Variants in ARMH4 observed in about 807,000 individuals in gnomAD.
ARMH4 encodes the protein armadillo-like helical domain-containing protein 4.
A neutral mutation model predicts 61.9 loss-of-function variants in ARMH4; 49 were observed. That is an observed-to-expected ratio of 0.79 (90% confidence interval 0.63 to 1.00). The LOEUF (loss-of-function observed/expected upper bound fraction) is 1.00, where lower values mean the gene tolerates loss of function less well. ARMH4 is among the 50% of genes least tolerant of loss of function. The pLI is 0.00. For synonymous variants in ARMH4, 368 were observed against 341.5 expected (o/e 1.08, Z -0.85); for missense variants, 934 against 930.0 (o/e 1.00, Z -0.06).
rs535416747 is a variant in ARMH4, at chr14:58,041,167, C to T, written c.2090-29017G>A. Among the ~76,000 whole-genome samples the T allele has an allele frequency of 4.3e-4, 65 of 152,276 alleles. 2 individuals carry two copies. The South Asian group carries it at 0.013, about 31-fold the overall frequency. On this transcript the variant is annotated intron_variant, in intron 5 of 7. Transcript: ENST00000267485. ...CATGAGCCAAAGCAGGGCGAGGCAT[C>T]GCCTCACCCGGGAAGCGTAAGGGGT...
At chr14:58,012,193 ACTTATAATTCATG>A in intron 5 of ARMH4, 43 bp from the exon 6 acceptor site, 1 of 1,181,014 alleles carries the variant, frequency 8.5e-7, no homozygotes. Context: ...ACCATCTTTT[ACTTATAATTCATG>A]GCATTAAGTT....
chr14:58,078,061 C>T (rs1414293623), intron 5 of ARMH4, among the ~76,000 whole-genome samples: 2 of 152,214 alleles, frequency 1.3e-5, no homozygotes, highest in Non-Finnish European at 2.9e-5. Context: ...TTCTCTCCTA[C>T]TCTAAGATGA....
At chr14:58,032,674 G>GGCGCAGGCCAGTGTGT (rs371862001) in intron 5 of ARMH4, among the ~76,000 whole-genome samples, 2,555 of 151,832 alleles carry the variant, frequency 0.017, 26 homozygotes, top group South Asian at 0.026. Flanking sequence ...CCAGACAGTG[G>GGCGCAGGCCAGTGTGT]GCGCAGGCCA....
At chr14:58,020,169 C>A (rs1008621593) in intron 5 of ARMH4, among the ~76,000 whole-genome samples, 7 of 152,258 alleles carry the variant, frequency 4.6e-5, no homozygotes, top group African/African-American at 1.7e-4. Context: ...AGTAGCTGAT[C>A]TGGAATTGGA....
At chr14:58,145,082 A>C (rs571254109) in intron 1 of ARMH4, among the ~76,000 whole-genome samples, 6 of 152,176 alleles carry the variant, frequency 3.9e-5, no homozygotes, top group Non-Finnish European at 5.9e-5. Context: ...ATTCAGTGAA[A>C]TCTTACTAAA....
intron 4 of ARMH4, chr14:58,131,234 A>G: frequency 2.7e-6 from 1 of 367,926 alleles, no homozygotes; most frequent in Admixed American, 4.3e-5. Context: ...AGCTTTATTT[A>G]TGAACACTGG....
chr14:58,138,379 G>A lies in ARMH4; in HGVS notation c.980C>T (p.Thr327Ile), dbSNP rs533151101. Residue 327 changes from threonine (T) to isoleucine (I), a missense_variant, in exon 2 of 8, where the codon ACC becomes ATC. Transcript: ENST00000267485. Reference protein sequence around the residue: ...TKLESVSRIRTPKLGDNEETQ... With the variant: ...TKLESVSRIRIPKLGDNEETQ... ...CTCTTCATTGTCTCCAAGCTTGGGGGTCCTTATCCGGCTTACACTCTCTAA... is the reference window on the plus strand; with the variant it reads ...CTCTTCATTGTCTCCAAGCTTGGGGATCCTTATCCGGCTTACACTCTCTAA... 6.2e-7 allele frequency: 1 copy of A among 1,614,100 alleles called. No individual in the cohort carries two copies. The highest frequency in any genetic ancestry group is 1.3e-5 in the African/African-American group (1 of 75,008).
At position 58,091,668 on chromosome 14, in the gene ARMH4, T is replaced by C. The variant is rs373695381; in HGVS notation, c.2089+5056A>G. ...TTAAAGATGATAATTGTGTGATTTA[T>C]TATAGCAACAGGATAAGAAGTGGTG... On this transcript the variant is annotated intron_variant, in intron 5 of 7. Transcript: ENST00000267485. Among the ~76,000 whole-genome samples, 4 of 152,346 alleles carry C rather than the reference T, an allele frequency of 2.6e-5. No homozygotes were observed. In the East Asian group the frequency reaches 7.7e-4, roughly 29 times the overall value.
At chr14:58,082,279 T>C (rs190932966) in intron 5 of ARMH4, among the ~76,000 whole-genome samples, 6 of 152,274 alleles carry the variant, frequency 3.9e-5, no homozygotes, top group Admixed American at 6.5e-5. Context: ...CTCGAGGAAG[T>C]AGTGGGTAAA....
intron 5 of ARMH4, among the ~76,000 whole-genome samples, chr14:58,043,420 ACTCT>A (rs893986403): frequency 3.9e-5 from 6 of 152,056 alleles, no homozygotes; most frequent in African/African-American, 1.4e-4. Context: ...CATGCTAAAA[ACTCT>A]CAATCAATTA....
chr14:58,050,845 G>A (rs1366345111), intron 5 of ARMH4, among the ~76,000 whole-genome samples: 2 of 151,688 alleles, frequency 1.3e-5, no homozygotes, highest in Non-Finnish European at 2.9e-5. Flanking sequence ...CCCTCCCCTC[G>A]ACTCCTGGCA....
At chr14:58,132,611 G>C in intron 3 of ARMH4, among the ~76,000 whole-genome samples, 1 of 53,840 alleles carries the variant, frequency 1.9e-5, no homozygotes, top group African/African-American at 4.3e-5. Context: ...TTTTGGCACG[G>C]AGTCTCGCTC....
At chr14:58,090,505 G>T (rs908327689) in intron 5 of ARMH4, among the ~76,000 whole-genome samples, 1 of 152,018 alleles carries the variant, frequency 6.6e-6, no homozygotes, top group Non-Finnish European at 1.5e-5. Flanking sequence ...TCAGAAATGG[G>T]CATGTGACCT....
intron 5 of ARMH4, among the ~76,000 whole-genome samples, chr14:58,090,562 G>A (rs935292269): frequency 1.3e-5 from 2 of 152,096 alleles, no homozygotes; most frequent in African/African-American, 4.8e-5. Context: ...GGGGATTCTC[G>A]AAAGGCTGCC....
At chr14:58,044,515 C>T (rs1348678424) in intron 5 of ARMH4, among the ~76,000 whole-genome samples, 12 of 152,110 alleles carry the variant, frequency 7.9e-5, no homozygotes, top group Non-Finnish European at 1.6e-4. Context: ...AAAAACCCTA[C>T]AAGAAAACCT....
At chr14:58,069,664 C>T (rs1332179373) in intron 5 of ARMH4, among the ~76,000 whole-genome samples, 2 of 152,094 alleles carry the variant, frequency 1.3e-5, no homozygotes, top group Non-Finnish European at 2.9e-5. Flanking sequence ...AGAGAAGAGG[C>T]ATTCAAAGGT....
intron 5 of ARMH4, among the ~76,000 whole-genome samples, chr14:58,013,376 AT>A (rs1882483897): frequency 6.6e-6 from 1 of 151,614 alleles, no homozygotes; most frequent in African/African-American, 2.4e-5. Flanking sequence ...TTTTCTTTTG[AT>A]TTTTTTCAAC....
intron 5 of ARMH4, among the ~76,000 whole-genome samples, chr14:58,024,349 T>C (rs572971827): frequency 2.6e-5 from 4 of 152,296 alleles, no homozygotes; most frequent in Admixed American, 2.6e-4. Context: ...TTAAGCCTCA[T>C]GAACCAACCT....
chr14:58,075,992 G>A (rs911369511), intron 5 of ARMH4, among the ~76,000 whole-genome samples: 4 of 149,420 alleles, frequency 2.7e-5, no homozygotes, highest in Admixed American at 6.7e-5. Context: ...AAGAAGAAAT[G>A]TATGTTTAAA....
Sources: allele counts gnomAD v4.1 joint callset (sites outside exome capture counted in the v4.1 genomes callset), GRCh38; gene constraint gnomAD v4.1.1; transcripts MANE v1.5; gene names NCBI Gene and HGNC (gene_info 2026-07-23, HGNC 2026-07-21).